Variants in CLPTM1L observed in about 807,000 individuals in gnomAD.
CLPTM1L encodes CLPTM1 like, also known as lipid scramblase CLPTM1L.
CLPTM1L carries 38 observed loss-of-function variants against 70.9 expected under a neutral mutation model. The observed-to-expected ratio is 0.54, with a 90% CI of 0.41 to 0.70. The LOEUF (loss-of-function observed/expected upper bound fraction) is 0.70. Ranked by LOEUF, CLPTM1L falls within the 30% of genes least tolerant of loss-of-function variation. CLPTM1L has a pLI of 0.00. For synonymous variants in CLPTM1L, 339 were observed against 299.9 expected (o/e 1.13, Z -1.35); for missense variants, 652 against 705.9 (o/e 0.92, Z 0.87).
chr5:1,340,012 G>A (rs1350132850), intron 3 of CLPTM1L, among the ~76,000 whole-genome samples: 3 of 152,248 alleles, frequency 2.0e-5, no homozygotes, highest in Admixed American at 6.5e-5. Context: ...GCACAACCGG[G>A]GGAGAGCCCA....
intron 4 of CLPTM1L, chr5:1,338,265 C>G (rs535257048): frequency 1.3e-4 from 66 of 503,658 alleles, no homozygotes; most frequent in African/African-American, 1.2e-3. Flanking sequence ...CACGGCCGTA[C>G]AGCAGAACCC....
At chr5:1,334,264 G>A (rs1181681856) in intron 7 of CLPTM1L, 25 bp downstream of exon 7, 3 of 1,595,056 alleles carry the variant, frequency 1.9e-6, no homozygotes, top group Non-Finnish European at 1.7e-6. Context: ...AGTGCCTGCG[G>A]CAAGCCCCCC....
chr5:1,338,333 C>T lies in CLPTM1L; in HGVS notation c.600-351G>A, dbSNP rs150766461. On this transcript the variant is annotated intron_variant, in intron 4 of 16. Coordinates refer to ENST00000320895, the MANE Select transcript of CLPTM1L (RefSeq NM_030782.5). ...CAGGATGCACTGACACGGAGCAATC[C>T]CAGGATGTGGCCACTACACTTGGAA... The T allele has an allele frequency of 4.6e-3, 1,573 of 342,280 alleles. 2 individuals are homozygous for T. The highest frequency in any genetic ancestry group is 5.3e-3 in the Non-Finnish European group (967 of 182,932). 21.2% of individuals were successfully genotyped at this position (342,280 alleles called of 1,614,324 possible).
intron 3 of CLPTM1L, 96 bp downstream of exon 3, chr5:1,341,575 C>A: frequency 9.2e-7 from 1 of 1,086,524 alleles, no homozygotes; most frequent in East Asian, 2.5e-5. Context: ...AACAAAGTCA[C>A]TGGAGCCCTA....
chr5:1,331,869 G>A lies in CLPTM1L; in HGVS notation c.906C>T (p.Phe302=), dbSNP rs774508335. Residue 302 remains phenylalanine (F), a synonymous_variant, in exon 8 of 17, where the codon TTC becomes TTT. Coordinates refer to ENST00000320895, the MANE Select transcript of CLPTM1L (RefSeq NM_030782.5). ...AACTGATGTCATTTTTAAAGGCCAG[G>A]AAATCAAAGAGAAGCTAGAGAGAAC... ...FVAAFHLLFD[F]LAFKNDISFW... 8 of 1,613,244 alleles carry A rather than the reference G, an allele frequency of 5.0e-6. No individual in the cohort carries two copies. The highest frequency in any genetic ancestry group is 1.7e-5 in the Admixed American group (1 of 60,008).
Position 1,318,479 on chromosome 5 carries a change from A to G in CLPTM1L, c.1533-26T>C. The G allele has an allele frequency of 6.3e-7, 1 of 1,592,994 alleles. No homozygotes were observed. Among genetic ancestry groups the G allele is most frequent in the Non-Finnish European group, 8.6e-7 (1 of 1,162,118 alleles). ...CTGCAATGACACAAATGAGCACATC[A>G]GCAAACCCCACTGCAGGGGCTATTT... is the stretch of plus-strand genomic sequence containing the variant. On this transcript the variant is annotated intron_variant, in intron 16 of 16. Transcript: ENST00000320895. This position sits in a 1 kb window ranked among gnomAD's most constrained non-coding sequence, Gnocchi z 8.9.
At chr5:1,338,392 G>A (rs867156809) in intron 4 of CLPTM1L, 11 of 275,300 alleles carry the variant, frequency 4.0e-5, no homozygotes, top group Non-Finnish European at 1.4e-5. Context: ...GGGAGGCGGA[G>A]CTGTGGCGCA....
intron 9 of CLPTM1L, among the ~76,000 whole-genome samples, chr5:1,328,329 ACATTTCATCCAGCTCCTCCTCTACG>A (rs1752775482): frequency 2.6e-5 from 2 of 76,010 alleles, no homozygotes; most frequent in Non-Finnish European, 5.9e-5. Context: ...CTCTACGGAC[ACATTTCATCCAGCTCCTCCTCTACG>A]GACACATTTC....
In CLPTM1L at chr5:1,317,963, G is replaced by C. The variant is rs1751927120; in HGVS notation, c.*406C>G. ...AAAGAGGAAAGAGCCTTTGATCCCA[G>C]AGTCCATGCGGAATGAATTCCATAC... On this transcript the variant is annotated 3_prime_UTR_variant, in exon 17 of 17. Transcript: ENST00000320895. 1 of 179,464 alleles carries C rather than the reference G, an allele frequency of 5.6e-6. No homozygotes were observed. Among genetic ancestry groups the C allele is most frequent in the African/African-American group, 2.3e-5 (1 of 42,592 alleles). The allele number at this position is 179,464 out of a possible 1,614,324, so 11.1% of individuals were successfully genotyped here.
intron 9 of CLPTM1L, among the ~76,000 whole-genome samples, chr5:1,327,694 T>C (rs1304103157): frequency 1.2e-3 from 119 of 99,598 alleles, no homozygotes; most frequent in East Asian, 1.4e-3. Flanking sequence ...CAGACACATT[T>C]CATCCTGCTC....
chr5:1,318,559 G>T lies in CLPTM1L; in HGVS notation c.1533-106C>A. 1.1e-6 allele frequency: 1 copy of T among 884,272 alleles called. No individual in the cohort carries two copies. Among genetic ancestry groups the T allele is most frequent in the South Asian group, 1.5e-5 (1 of 65,676 alleles). The allele number at this position is 884,272 out of a possible 1,614,324, so 54.8% of individuals were successfully genotyped here. Reference sequence around the variant, plus strand: ...TTATTTTCCAGTGAGCTGCCACAGTGAGCAAATTAACTAAAAAGTCGAATC... The same window carrying T: ...TTATTTTCCAGTGAGCTGCCACAGTTAGCAAATTAACTAAAAAGTCGAATC... On this transcript the variant is annotated intron_variant, in intron 16 of 16. Coordinates refer to ENST00000320895, the MANE Select transcript of CLPTM1L (RefSeq NM_030782.5). The surrounding 1 kb of genome is among the most constrained non-coding windows in gnomAD (Gnocchi z 8.9).
chr5:1,329,690 C>CTGGTGGACAGGGCCTCAGGACTCTCTGCT (rs1561238893), intron 9 of CLPTM1L, among the ~76,000 whole-genome samples: 1 of 66,972 alleles, frequency 1.5e-5, no homozygotes, highest in Non-Finnish European at 3.1e-5. Flanking sequence ...GACTCTCTGC[C>CTGGTGGACAGGGCCTCAGGACTCTCTGCT]TGGTGGACAG....
At chr5:1,332,434 T>C (rs1337829662) in intron 7 of CLPTM1L, 1 of 152,422 alleles carries the variant, frequency 6.6e-6, no homozygotes, top group African/African-American at 2.4e-5. Flanking sequence ...GACCTTTTAA[T>C]AAAAATCGTT....
Position 1,341,748 on chromosome 5 carries a change from G to C in CLPTM1L, c.376C>G (p.Leu126Val), listed in dbSNP as rs755251189. ...ATGTAGGTGGTCAGAGGACTGACCAGGTGCACCTGCTTCCCGTCGTGCCAC... is the reference window on the plus strand; with the variant it reads ...ATGTAGGTGGTCAGAGGACTGACCACGTGCACCTGCTTCCCGTCGTGCCAC... The part of the protein sequence containing the change: ...LPWHDGKQVH[L>V]VSPLTTYMVP... The change falls in exon 3 of 17, where the codon CTG becomes GTG. Residue 126 changes from leucine to valine, a missense_variant. Physicochemically the swap from Leu to Val is conservative, Grantham distance 32 (BLOSUM62 1). Around this residue, in one of 3 missense-constraint regions of CLPTM1L, gnomAD observed 402 missense variants for 388.2 expected, o/e 1.04. Coordinates refer to ENST00000320895, the MANE Select transcript of CLPTM1L (RefSeq NM_030782.5). 1.2e-6 allele frequency: 2 copies of C among 1,613,900 alleles called. No homozygotes were observed. The highest frequency in any genetic ancestry group is 1.7e-6 in the Non-Finnish European group (2 of 1,179,978).
rs748993875 is a variant in CLPTM1L at position 1,330,361 on chromosome 5, G to A, written c.999C>T (p.Thr333=). 7 of 1,612,824 alleles carry A rather than the reference G, an allele frequency of 4.3e-6. No individual in the cohort carries two copies. Among genetic ancestry groups the A allele is most frequent in the Admixed American group, 3.3e-5 (2 of 60,024 alleles). The change falls in exon 9 of 17, where the codon ACC becomes ACT. Residue 333 remains threonine (T), a synonymous_variant. Transcript: ENST00000320895. ...TKAVLWRCFS[T]VVIFLFLLDE... is the part of the protein sequence containing the mutation. ...CCAGCAGGAACAGAAAGATGACCACGGTGCTGAAGCAGCGCCAGAGCACTG... is the reference window on the plus strand; with the variant it reads ...CCAGCAGGAACAGAAAGATGACCACAGTGCTGAAGCAGCGCCAGAGCACTG...
At chr5:1,341,466 A>C (rs1268212040) in intron 3 of CLPTM1L, among the ~76,000 whole-genome samples, 5 of 152,200 alleles carry the variant, frequency 3.3e-5, no homozygotes, top group African/African-American at 1.2e-4. Context: ...AACTGTCCCT[A>C]ATTTTAGATA....
chr5:1,322,913 T>C lies in CLPTM1L; in HGVS notation c.1281-2A>G. 2 of 1,613,366 alleles carry C rather than the reference T, an allele frequency of 1.2e-6. No individual in the cohort carries two copies. The highest frequency in any genetic ancestry group is 1.7e-6 in the Non-Finnish European group (2 of 1,179,588). On this transcript the variant is annotated splice_acceptor_variant, in intron 12 of 16. Coordinates refer to ENST00000320895, the MANE Select transcript of CLPTM1L (RefSeq NM_030782.5). LOFTEE classifies it high-confidence loss of function. Reference sequence around the variant, plus strand: ...CTGTTGATTAACCAGGAGTACCAGCTGAAACGGAAAAAAAAGGAGAAGTCC... The same window carrying C: ...CTGTTGATTAACCAGGAGTACCAGCCGAAACGGAAAAAAAAGGAGAAGTCC...
At chr5:1,336,101 C>T (rs1421484590) in intron 5 of CLPTM1L, among the ~76,000 whole-genome samples, 1 of 152,226 alleles carries the variant, frequency 6.6e-6, no homozygotes, top group Admixed American at 6.5e-5. Context: ...TCAGGGCGCC[C>T]CACGTAGCCA....
intron 9 of CLPTM1L, among the ~76,000 whole-genome samples, chr5:1,329,519 G>C (rs1209298930): frequency 2.1e-5 from 3 of 143,084 alleles, no homozygotes; most frequent in Non-Finnish European, 4.5e-5. Flanking sequence ...TCTCTGCTTG[G>C]TGGACAGAGC....
Sources: gnomAD v4.1 joint callset for allele counts (sites outside exome capture counted in the v4.1 genomes callset) on GRCh38, gnomAD v4.1.1 for gene constraint, gnomAD v4.1.1 regional missense constraint, Gnocchi (gnomAD v3.1) non-coding constraint, MANE v1.5 for transcripts, NCBI Gene and HGNC (gene_info 2026-07-23, HGNC 2026-07-21) for gene names.